The following TNPO3 variants were observed in gnomAD, a reference collection of about 807,000 sequenced individuals.
TNPO3 encodes transportin 3, also known as transportin-3.
TNPO3 carries 65 observed loss-of-function variants against 122.8 expected under a neutral mutation model. That is an observed-to-expected ratio of 0.53 (90% CI 0.43 to 0.65). TNPO3 has a LOEUF of 0.65. Ranked by LOEUF, TNPO3 falls within the 30% of genes least tolerant of loss-of-function variation. TNPO3 has a pLI of 0.00. For missense variants in TNPO3, 850 were observed against 1,136.7 expected (o/e 0.75, Z 3.63); for synonymous variants, 372 against 411.2 (o/e 0.90, Z 1.15).
intron 14 of TNPO3, among the ~76,000 whole-genome samples, chr7:128,980,419 C>A (rs992825290): frequency 6.6e-6 from 1 of 152,124 alleles, no homozygotes; most frequent in Non-Finnish European, 1.5e-5. Flanking sequence ...ACCAGCCTGA[C>A]CAATATGGTG....
Position 128,974,735 on chromosome 7 carries a change from T to C in TNPO3, c.2273+133A>G, listed in dbSNP as rs1874331. On this transcript the variant is annotated intron_variant, in intron 18 of 22. Coordinates refer to ENST00000265388, the MANE Select transcript of TNPO3 (RefSeq NM_012470.4). The stretch of plus-strand genomic sequence containing the variant: ...GGATATATCAGCTTGCAATTTACCT[T>C]TGGGTTATGAATCATTAATCTACTT... The C allele has an allele frequency of 1.5e-3, 1,086 of 746,988 alleles. 10 individuals are homozygous for C. In the African/African-American group the frequency reaches 0.017, roughly 11 times the overall value. 46.3% of individuals were successfully genotyped at this position (746,988 alleles called of 1,614,324 possible).
chr7:129,041,223 C>T (rs1490930052), intron 1 of TNPO3, among the ~76,000 whole-genome samples: 1 of 152,076 alleles, frequency 6.6e-6, no homozygotes, highest in Non-Finnish European at 1.5e-5. Context: ...AAAAATCAGC[C>T]AGGCATGGTG....
At chr7:129,045,356 C>G (rs916624416) in intron 1 of TNPO3, among the ~76,000 whole-genome samples, 6 of 151,984 alleles carry the variant, frequency 3.9e-5, no homozygotes, top group African/African-American at 1.2e-4. Context: ...AATGACTGGG[C>G]ACGGTAGCTC....
At chr7:129,046,948 TATTATTACAA>T (rs1808130525) in intron 1 of TNPO3, among the ~76,000 whole-genome samples, 1 of 152,006 alleles carries the variant, frequency 6.6e-6, no homozygotes, top group Admixed American at 6.6e-5. Context: ...AATCGGGGGG[TATTATTACAA>T]GGTGAGATGT....
intron 1 of TNPO3, among the ~76,000 whole-genome samples, chr7:129,046,864 C>T (rs1247399735): frequency 6.6e-6 from 1 of 152,126 alleles, no homozygotes; most frequent in Non-Finnish European, 1.5e-5. Context: ...GAGACTTATT[C>T]ACTACCACAA....
At chr7:129,037,107 G>A (rs1806777013) in intron 1 of TNPO3, among the ~76,000 whole-genome samples, 1 of 152,156 alleles carries the variant, frequency 6.6e-6, no homozygotes, top group African/African-American at 2.4e-5. Context: ...TGAAGTATAT[G>A]GGTAAATCCA....
At chr7:128,955,532 TA>T (rs1796813846) in intron 22 of TNPO3, 147 bp from the exon 23 acceptor site, 1 of 347,144 alleles carries the variant, frequency 2.9e-6, no homozygotes, top group South Asian at 2.2e-5. Flanking sequence ...AACAAATAAA[TA>T]AAAGTCTGGC....
At chr7:129,016,169 G>A (rs1361975750) in intron 3 of TNPO3, among the ~76,000 whole-genome samples, 3 of 152,114 alleles carry the variant, frequency 2.0e-5, no homozygotes, top group Admixed American at 6.5e-5. Context: ...TTGGGAGGCC[G>A]AGGTGGGCAG....
chr7:128,995,997 T>G (rs750961501), intron 8 of TNPO3, among the ~76,000 whole-genome samples: 15 of 152,098 alleles, frequency 9.9e-5, no homozygotes, highest in Admixed American at 9.2e-4. Context: ...CCACGCCCAG[T>G]TGGATTCTTC....
intron 1 of TNPO3, among the ~76,000 whole-genome samples, chr7:129,046,654 C>A (rs2150556686): frequency 6.6e-6 from 1 of 152,296 alleles, no homozygotes; most frequent in South Asian, 2.1e-4. Context: ...TTAATGTGTT[C>A]TCACACTGCT....
chr7:129,048,172 G>A (rs973259113), intron 1 of TNPO3, among the ~76,000 whole-genome samples: 3 of 152,120 alleles, frequency 2.0e-5, no homozygotes, highest in African/African-American at 2.4e-5. Flanking sequence ...AGGCTGCAGT[G>A]AGCAGTAATC....
intron 1 of TNPO3, among the ~76,000 whole-genome samples, chr7:129,039,567 AT>A (rs1807117267): frequency 1.3e-5 from 2 of 152,272 alleles, no homozygotes; most frequent in Admixed American, 6.5e-5. Context: ...CTAAAAAAAA[AT>A]AAATAAATAA....
At chr7:128,978,135 C>T (rs769931772) in intron 16 of TNPO3, among the ~76,000 whole-genome samples, 1 of 152,204 alleles carries the variant, frequency 6.6e-6, no homozygotes, top group Non-Finnish European at 1.5e-5. Context: ...CACTGGCATC[C>T]TGGCCCTGCT....
At chr7:129,000,633 C>A in intron 6 of TNPO3, 66 bp from the exon 7 acceptor site, 1 of 1,449,708 alleles carries the variant, frequency 6.9e-7, no homozygotes, top group Non-Finnish European at 9.4e-7. Flanking sequence ...TATACAGGCA[C>A]AGTTAATCAA....
upstream of TNPO3, chr7:129,056,015 C>A: frequency 1.9e-6 from 2 of 1,027,034 alleles, no homozygotes; most frequent in South Asian, 1.3e-5. Flanking sequence ...TCAGCTCCAG[C>A]GCCATGGCGC....
At chr7:128,974,799 G>T in intron 18 of TNPO3, 69 bp downstream of exon 18, 1 of 1,272,904 alleles carries the variant, frequency 7.9e-7, no homozygotes, top group South Asian at 1.2e-5. Context: ...AAACAACCAA[G>T]GGTCAGATGG....
At chr7:129,025,163 A>C (rs1804966009) in intron 1 of TNPO3, among the ~76,000 whole-genome samples, 2 of 151,732 alleles carry the variant, frequency 1.3e-5, no homozygotes, top group African/African-American at 4.8e-5. Flanking sequence ...AGCCTGGCCA[A>C]CATGATGAAA....
At chr7:128,967,259 A>G in intron 21 of TNPO3, 21 bp downstream of exon 21, 1 of 1,453,756 alleles carries the variant, frequency 6.9e-7, no homozygotes, top group Non-Finnish European at 9.7e-7. Context: ...CACCTCCTTA[A>G]GAACCCCCAG....
At chr7:129,012,657 T>TCAAC (rs1803349602) in intron 4 of TNPO3, among the ~76,000 whole-genome samples, 1 of 152,196 alleles carries the variant, frequency 6.6e-6, no homozygotes, top group South Asian at 2.1e-4. Context: ...TAAGGGATAT[T>TCAAC]CAACCTGTAT....
Sources: gnomAD v4.1 joint callset for allele counts (sites outside exome capture counted in the v4.1 genomes callset) on GRCh38, gnomAD v4.1.1 for gene constraint, MANE v1.5 for transcripts, NCBI Gene and HGNC (gene_info 2026-07-23, HGNC 2026-07-21) for gene names.